CPNE4: variants seen among roughly 807,000 people sequenced by gnomAD.
The protein encoded by CPNE4 is copine-4.
CPNE4 carries 25 observed loss-of-function variants against 67.9 expected under a neutral mutation model. The ratio of observed to expected loss-of-function variants is 0.37; its 90% CI spans 0.27 to 0.51. The LOEUF (loss-of-function observed/expected upper bound fraction) is 0.51, where lower values mean the gene tolerates loss of function less well. Among genes scored for constraint, CPNE4 ranks in the 20% least tolerant of loss-of-function variants. CPNE4 has a pLI of 0.93. For synonymous variants in CPNE4, 242 were observed against 244.9 expected, an observed-to-expected ratio of 0.99 and a Z score of 0.11; for missense variants, 464 against 690.8, an observed-to-expected ratio of 0.67 and a Z score of 3.68.
intron 2 of CPNE4, among the ~76,000 whole-genome samples, chr3:131,788,586 C>A (rs2083627158): frequency 6.6e-6 from 1 of 152,056 alleles, no homozygotes; most frequent in African/African-American, 2.4e-5. Context: ...CTTGAGGACA[C>A]TTTGTCTATA....
chr3:131,986,896 T>C (rs1196470601), intron 1 of CPNE4, among the ~76,000 whole-genome samples: 1 of 137,924 alleles, frequency 7.3e-6, no homozygotes, highest in African/African-American at 2.7e-5. Context: ...AACTTAAGGA[T>C]AGACAGAACA....
At chr3:131,837,662 G>C (rs2085611377) in intron 2 of CPNE4, among the ~76,000 whole-genome samples, 1 of 151,858 alleles carries the variant, frequency 6.6e-6, no homozygotes, top group South Asian at 2.1e-4. Context: ...TAATAAAATT[G>C]ATAGAACTAT....
At chr3:131,811,766 T>TTA (rs2084536571) in intron 2 of CPNE4, among the ~76,000 whole-genome samples, 1 of 152,114 alleles carries the variant, frequency 6.6e-6, no homozygotes, top group Admixed American at 6.6e-5. Context: ...CATCAATACT[T>TTA]AGGAAGCATG....
intron 6 of CPNE4, among the ~76,000 whole-genome samples, chr3:131,670,285 A>G (rs1303534150): frequency 6.6e-6 from 1 of 152,196 alleles, no homozygotes. Context: ...TTTCTAGAAG[A>G]AAAATCCCAG....
At chr3:131,907,488 T>G (rs1355370496) in intron 1 of CPNE4, among the ~76,000 whole-genome samples, 1 of 113,862 alleles carries the variant, frequency 8.8e-6, no homozygotes, top group African/African-American at 3.6e-5. Context: ...GCCTCAGCAT[T>G]ACGCATCACA....
chr3:131,778,402 G>C (rs1453351319), intron 2 of CPNE4, among the ~76,000 whole-genome samples: 2 of 152,022 alleles, frequency 1.3e-5, no homozygotes, highest in East Asian at 3.9e-4. Context: ...TTCTTGTCTG[G>C]CACTTACAAG....
intron 3 of CPNE4, among the ~76,000 whole-genome samples, chr3:131,721,343 C>CAAAA (rs58912595): frequency 1.6e-5 from 1 of 63,516 alleles, no homozygotes; most frequent in Non-Finnish European, 2.9e-5. Flanking sequence ...AGCTTTGGAC[C>CAAAA]AAAAAAAAAA....
intron 1 of CPNE4, among the ~76,000 whole-genome samples, chr3:131,999,074 A>C (rs1000180102): frequency 6.6e-6 from 1 of 151,890 alleles, no homozygotes; most frequent in Non-Finnish European, 1.5e-5. Context: ...GTTACATGAT[A>C]ATAAGGGGCA....
chr3:131,840,878 C>G (rs1401244622), intron 2 of CPNE4, among the ~76,000 whole-genome samples: 1 of 152,160 alleles, frequency 6.6e-6, no homozygotes. Context: ...GGAAACTTCT[C>G]AAGGAGTGGT....
intron 7 of CPNE4, among the ~76,000 whole-genome samples, chr3:131,639,915 T>A (rs1445356340): frequency 6.6e-6 from 1 of 152,136 alleles, no homozygotes; most frequent in Non-Finnish European, 1.5e-5. Flanking sequence ...AATTACATGA[T>A]TATCTCAATA....
chr3:131,861,820 T>C (rs914458930), intron 2 of CPNE4, among the ~76,000 whole-genome samples: 1 of 152,166 alleles, frequency 6.6e-6, no homozygotes, highest in Non-Finnish European at 1.5e-5. Context: ...TCCTTTAATA[T>C]AATAACAAGG....
chr3:132,011,225 C>A (rs535952054), intron 1 of CPNE4, among the ~76,000 whole-genome samples: 1 of 152,142 alleles, frequency 6.6e-6, no homozygotes, highest in Admixed American at 6.5e-5. Flanking sequence ...TAGATAGATC[C>A]CTTGTGCTTT....
chr3:131,668,587 T>C (rs973388519), intron 7 of CPNE4, among the ~76,000 whole-genome samples: 1 of 152,196 alleles, frequency 6.6e-6, no homozygotes, highest in African/African-American at 2.4e-5. Context: ...GAAGCTGATA[T>C]TACTGCTTGA....
At chr3:131,563,328 T>A (rs1378074755) in intron 11 of CPNE4, among the ~76,000 whole-genome samples, 1 of 152,044 alleles carries the variant, frequency 6.6e-6, no homozygotes, top group Non-Finnish European at 1.5e-5. Context: ...GGGAGTTAAC[T>A]GAGATTTACA....
At chr3:131,965,889 C>T (rs893664929) in intron 1 of CPNE4, among the ~76,000 whole-genome samples, 1 of 152,224 alleles carries the variant, frequency 6.6e-6, no homozygotes, top group African/African-American at 2.4e-5. Flanking sequence ...TAGACATCTA[C>T]AGAACTCTCC....
intron 7 of CPNE4, among the ~76,000 whole-genome samples, chr3:131,606,389 A>T (rs114705743): frequency 0.012 from 1,876 of 152,254 alleles, 21 homozygotes; most frequent in Non-Finnish European, 0.018. Flanking sequence ...ATCATACATG[A>T]ATGATCCACA....
intron 2 of CPNE4, among the ~76,000 whole-genome samples, chr3:131,832,081 A>C (rs957061762): frequency 1.3e-5 from 2 of 152,188 alleles, no homozygotes; most frequent in Non-Finnish European, 2.9e-5. Context: ...AGGGGTTCAA[A>C]GTTCTATCTA....
chr3:131,770,516 A>C (rs1321547713), intron 2 of CPNE4, among the ~76,000 whole-genome samples: 1 of 152,220 alleles, frequency 6.6e-6, no homozygotes, highest in African/African-American at 2.4e-5. Flanking sequence ...GGAGCTAGCA[A>C]CCAGGGGAGA....
At chr3:131,791,706 T>G (rs2107881333) in intron 2 of CPNE4, among the ~76,000 whole-genome samples, 1 of 152,308 alleles carries the variant, frequency 6.6e-6, no homozygotes, top group South Asian at 2.1e-4. Flanking sequence ...CAGAAAATCA[T>G]CACTTTGCCC....
Sources: allele counts gnomAD v4.1 joint callset (sites outside exome capture counted in the v4.1 genomes callset), GRCh38; gene constraint gnomAD v4.1.1; transcripts MANE v1.5; gene names NCBI Gene and HGNC (gene_info 2026-07-23, HGNC 2026-07-21).